The following AGL variants were observed in gnomAD, a reference collection of about 807,000 sequenced individuals.
AGL encodes the protein amylo-alpha-1,6-glucosidase and 4-alpha-glucanotransferase.
AGL carries 128 observed loss-of-function variants against 199.3 expected under a neutral mutation model. The observed-to-expected ratio is 0.64, with a 90% CI of 0.56 to 0.74. The LOEUF (loss-of-function observed/expected upper bound fraction) is 0.74, where lower values mean the gene tolerates loss of function less well. Ranked by LOEUF, AGL falls within the 30% of genes least tolerant of loss-of-function variation. AGL has a pLI of 0.00. For missense variants in AGL, 1,809 were observed against 1,820.8 expected, an observed-to-expected ratio of 0.99 and a Z score of 0.12; for synonymous variants, 584 against 594.7, an observed-to-expected ratio of 0.98 and a Z score of 0.26.
At position 99,888,011 on chromosome 1, in the gene AGL, T is replaced by C. The variant is rs960238436; in HGVS notation, c.2715T>C (p.Asn905=). The change falls in exon 21 of 34, where the codon AAT becomes AAC. Residue 905 remains asparagine (N), a synonymous_variant. Transcript: ENST00000361915. ...CCAGATTAACTTTGGCTGAGCTAAA[T>C]CAGATCCTTTACCGATGTGAATCAG... The part of the protein sequence containing the change: ...LASRLTLAEL[N]QILYRCESEE... 1 of 1,613,452 alleles carries C rather than the reference T, an allele frequency of 6.2e-7. No individual in the cohort carries two copies. The highest frequency in any genetic ancestry group is 8.5e-7 in the Non-Finnish European group (1 of 1,179,662).
rs78186766 is a variant in AGL, at chr1:99,896,403, A to G, written c.3362+15A>G. ...GTAGAAGCCAGGTAGGAGAGCCTCT[A>G]AAGTGTTGTACTGCGAGTTTATGTC... On this transcript the variant is annotated intron_variant, in intron 25 of 33. Transcript: ENST00000361915. 1.9e-6 allele frequency: 3 copies of G among 1,578,278 alleles called. No individual in the cohort carries two copies. Among genetic ancestry groups the G allele is most frequent in the East Asian group, 2.2e-5 (1 of 44,722 alleles).
At chr1:99,903,356 G>T (rs1653998205) in intron 27 of AGL, among the ~76,000 whole-genome samples, 2 of 151,688 alleles carry the variant, frequency 1.3e-5, no homozygotes, top group Non-Finnish European at 2.9e-5. Context: ...TCATTGTTCA[G>T]TTCCCATCTA....
At chr1:99,857,847 A>AGAGGGAGACCGTGGGGGGGGGGAGGGGGG (rs1557743553) in intron 2 of AGL, among the ~76,000 whole-genome samples, 17 of 8,196 alleles carry the variant, frequency 2.1e-3, no homozygotes, top group African/African-American at 2.9e-3. Flanking sequence ...GGGGAGGGGG[A>AGAGGGAGACCGTGGGGGGGGGGAGGGGGG]GGGGGGAAGA....
At chr1:99,882,145 AAAAAAAAAAAG>A (rs1385776594) in intron 17 of AGL, among the ~76,000 whole-genome samples, 1 of 36,450 alleles carries the variant, frequency 2.7e-5, no homozygotes, top group African/African-American at 7.3e-5. Flanking sequence ...TCAAAAAAAA[AAAAAAAAAAAG>A]AAAGAAATTT....
intron 24 of AGL, among the ~76,000 whole-genome samples, chr1:99,895,020 C>A (rs1405002985): frequency 6.6e-6 from 1 of 152,186 alleles, no homozygotes; most frequent in East Asian, 1.9e-4. Flanking sequence ...TTCCCCTAAC[C>A]AAAATATGTG....
At chr1:99,854,938 C>T (rs1649294175) in intron 2 of AGL, among the ~76,000 whole-genome samples, 1 of 152,106 alleles carries the variant, frequency 6.6e-6, no homozygotes, top group East Asian at 1.9e-4. Context: ...CGGTGGCTCA[C>T]ACCTGTAATC....
Position 99,884,320 on chromosome 1 carries a change from TA to T in AGL, c.2434-17del. On this transcript the variant is annotated intron_variant, in intron 18 of 33. Transcript: ENST00000361915. ...GAACTATTTGTTGAATGGATTTTTT[TA>T]ATGTACTTTTTTTCAAGCTTAATGA... 1 of 1,612,636 alleles carries T rather than the reference TA, an allele frequency of 6.2e-7. No individual in the cohort carries two copies. The highest frequency in any genetic ancestry group is 8.5e-7 in the Non-Finnish European group (1 of 1,178,918).
chr1:99,890,491 A>T (rs1019505726), intron 21 of AGL, among the ~76,000 whole-genome samples: 2 of 152,146 alleles, frequency 1.3e-5, no homozygotes, highest in African/African-American at 4.8e-5. Context: ...AACATGCTAC[A>T]TACCTAGTAA....
At chr1:99,902,219 A>G (rs1340687309) in intron 26 of AGL, among the ~76,000 whole-genome samples, 2 of 152,294 alleles carry the variant, frequency 1.3e-5, no homozygotes, top group East Asian at 3.9e-4. Flanking sequence ...ATGACTTATG[A>G]ATTCTTTACA....
chr1:99,861,791 C>T, intron 3 of AGL, 78 bp downstream of exon 3: 1 of 1,509,630 alleles, frequency 6.6e-7, no homozygotes, highest in South Asian at 1.1e-5. Flanking sequence ...GTAAATGTTA[C>T]TGTATGAACC....
In AGL at chr1:99,918,008, C is replaced by G. The variant is rs192313335; in HGVS notation, c.4481+1277C>G. 2.6e-5 allele frequency among the ~76,000 whole-genome samples: 4 copies of G among 152,242 alleles called. No individual in the cohort carries two copies. The East Asian group carries it at 7.7e-4, about 29-fold the overall frequency. On this transcript the variant is annotated intron_variant, in intron 33 of 33. Transcript: ENST00000361915. ...GTGCTCTTCATATGTTTGTGATGTT[C>G]TGTATCTCCATCTTGTATCATTTTC...
At chr1:99,858,587 G>C (rs907689424) in intron 2 of AGL, among the ~76,000 whole-genome samples, 2 of 152,092 alleles carry the variant, frequency 1.3e-5, no homozygotes, top group African/African-American at 4.8e-5. Context: ...GCCAACCCTT[G>C]CTATAGTGAA....
At chr1:99,850,865 T>G in intron 1 of AGL, 110 bp from the exon 2 acceptor site, 2 of 668,704 alleles carry the variant, frequency 3.0e-6, no homozygotes, top group East Asian at 2.6e-5. Context: ...TTCTCTTTCA[T>G]TGCTCTGCTA....
chr1:99,896,595 C>G (rs1653343508), intron 25 of AGL, among the ~76,000 whole-genome samples: 1 of 152,042 alleles, frequency 6.6e-6, no homozygotes, highest in African/African-American at 2.4e-5. Flanking sequence ...AAGTTCTAGT[C>G]CTTCATATTA....
intron 17 of AGL, among the ~76,000 whole-genome samples, chr1:99,882,579 A>G (rs1652133281): frequency 6.6e-6 from 1 of 152,184 alleles, no homozygotes; most frequent in African/African-American, 2.4e-5. Flanking sequence ...TCCTTTGTTC[A>G]GTGATTCTTC....
intron 13 of AGL, 62 bp from the exon 14 acceptor site, chr1:99,880,570 A>G: frequency 6.4e-7 from 1 of 1,553,680 alleles, no homozygotes; most frequent in South Asian, 1.1e-5. Context: ...ATGAGAAGAA[A>G]TCTAACCTCT....
intron 24 of AGL, among the ~76,000 whole-genome samples, chr1:99,893,833 G>A (rs1311460115): frequency 6.6e-6 from 1 of 152,146 alleles, no homozygotes; most frequent in Non-Finnish European, 1.5e-5. Context: ...TTTGCAGATA[G>A]GTTTTTTGGG....
chr1:99,910,891 A>G, intron 28 of AGL, 44 bp downstream of exon 28: 1 of 1,588,902 alleles, frequency 6.3e-7, no homozygotes, highest in Non-Finnish European at 8.6e-7. Context: ...CCCTTCTTTA[A>G]GAAAGCACTT....
chr1:99,898,325 C>T (rs996415657), intron 25 of AGL, among the ~76,000 whole-genome samples: 2 of 152,116 alleles, frequency 1.3e-5, no homozygotes, highest in South Asian at 2.1e-4. Flanking sequence ...GGATTACAGG[C>T]GTGAGCCACT....
Sources: allele counts gnomAD v4.1 joint callset (sites outside exome capture counted in the v4.1 genomes callset), GRCh38; gene constraint gnomAD v4.1.1; transcripts MANE v1.5; gene names NCBI Gene and HGNC (gene_info 2026-07-23, HGNC 2026-07-21).